EHMT2: variants seen among roughly 807,000 people sequenced by gnomAD.
The protein encoded by EHMT2 is euchromatic histone lysine methyltransferase 2, also known as histone-lysine N-methyltransferase EHMT2.
In EHMT2, 59 loss-of-function variants were observed where a neutral mutation model predicts 143.3. The observed-to-expected ratio is 0.41, with a 90% confidence interval of 0.33 to 0.51. The LOEUF is 0.51. Among genes scored for constraint, EHMT2 ranks in the 20% least tolerant of loss-of-function variants. The pLI is 0.18. For missense variants in EHMT2, 1,174 were observed against 1,645.9 expected (o/e 0.71, Z 4.96); for synonymous variants, 604 against 651.5 (o/e 0.93, Z 1.11).
chr6:31,896,167 G>A (rs1766387705), intron 4 of EHMT2, 96 bp downstream of exon 4: 1 of 1,498,960 alleles, frequency 6.7e-7, no homozygotes, highest in Admixed American at 2.2e-5. Flanking sequence ...GCTTAAATAT[G>A]TGAATGAGTA....
At position 31,888,759 on chromosome 6, in the gene EHMT2, G is replaced by A; in HGVS notation, c.1217-12C>T. The A allele has an allele frequency of 6.2e-7, 1 of 1,611,718 alleles. No individual in the cohort carries two copies. The highest frequency in any genetic ancestry group is 8.5e-7 in the Non-Finnish European group (1 of 1,179,854). On this transcript the variant is annotated splice_polypyrimidine_tract_variant and intron_variant, in intron 10 of 27. Transcript: ENST00000375537. This position sits in a 1 kb window ranked among gnomAD's most constrained non-coding sequence, Gnocchi z 7.4. The stretch of plus-strand genomic sequence containing the variant: ...GTCATTGGACACCCCTTGGATGGAG[G>A]AAAAGAGGAGCTGAGGGAGGCTCTG...
At chr6:31,897,458 TC>T (rs1766708361) in intron 1 of EHMT2, among the ~76,000 whole-genome samples, 177 bp downstream of exon 1, 1 of 134,732 alleles carries the variant, frequency 7.4e-6, no homozygotes, top group Non-Finnish European at 1.6e-5. Context: ...CCGTGCCCAC[TC>T]CCCCCACCTC....
Position 31,888,423 on chromosome 6 carries a change from G to A in EHMT2, c.1449C>T (p.Thr483=). 1 of 1,612,916 alleles carries A rather than the reference G, an allele frequency of 6.2e-7. No homozygotes were observed. Among genetic ancestry groups the A allele is most frequent in the Non-Finnish European group, 8.5e-7 (1 of 1,179,956 alleles). Residue 483 remains threonine (T), a synonymous_variant, in exon 12 of 28, where the codon ACC becomes ACT. Transcript: ENST00000375537. The surrounding 1 kb of genome is among the most constrained non-coding windows in gnomAD (Gnocchi z 7.4). ...GGTGTTTGACCATGCGGGCGCGGTGGGTCTCACAGAGCACCATCAGGGCCA... is the reference window on the plus strand; with the variant it reads ...GGTGTTTGACCATGCGGGCGCGGTGAGTCTCACAGAGCACCATCAGGGCCA...
chr6:31,887,761 G>T lies in EHMT2; in HGVS notation c.1928+18C>A. The T allele has an allele frequency of 6.3e-7, 1 of 1,599,810 alleles. No individual in the cohort carries two copies. On this transcript the variant is annotated intron_variant, in intron 14 of 27. Transcript: ENST00000375537. ...GGCCTCAGCCCCAGTTGCTGTGCCT[G>T]AGCAACTCCCCACTCACCTCTCTGA...
chr6:31,887,127 G>A, intron 15 of EHMT2, 26 bp from the exon 16 acceptor site: 2 of 1,568,314 alleles, frequency 1.3e-6, no homozygotes, highest in East Asian at 2.3e-5. Context: ...GCCACACCGG[G>A]AGAGGGAGGG....
rs986873268 is a variant in EHMT2, at chr6:31,883,377, C to T, written c.2979G>A (p.Arg993=). ...GGGCACGCACCTTGTCATACCAGCACCGGATGCTGAGCTGGCCGCACAGGC... is the reference window on the plus strand; with the variant it reads ...GGGCACGCACCTTGTCATACCAGCATCGGATGCTGAGCTGGCCGCACAGGC... Residue 993 remains arginine (R), a synonymous_variant, in exon 23 of 28, where the codon CGG becomes CGA. Transcript: ENST00000375537. The surrounding 1 kb of genome is among the most constrained non-coding windows in gnomAD (Gnocchi z 5.6). 5 of 1,612,946 alleles carry T rather than the reference C, an allele frequency of 3.1e-6. No individual in the cohort carries two copies. The highest frequency in any genetic ancestry group is 4.2e-6 in the Non-Finnish European group (5 of 1,179,978).
chr6:31,887,447 T>A (rs1765019099), intron 15 of EHMT2, 130 bp downstream of exon 15: 1 of 803,240 alleles, frequency 1.2e-6, no homozygotes, highest in African/African-American at 1.7e-5. Flanking sequence ...CATGTGTCTT[T>A]TCCCCACCAC....
chr6:31,897,245 C>T (rs542131856), intron 1 of EHMT2: 2 of 1,120,562 alleles, frequency 1.8e-6, no homozygotes, highest in Non-Finnish European at 2.3e-6. Flanking sequence ...GCGGGGCCTC[C>T]GCGCCCCGGC....
chr6:31,896,213 G>A, intron 4 of EHMT2, 50 bp downstream of exon 4: 1 of 1,555,504 alleles, frequency 6.4e-7, no homozygotes, highest in Non-Finnish European at 8.7e-7. Flanking sequence ...CTGTAAAAGA[G>A]CTCACCAAAG....
intron 7 of EHMT2, among the ~76,000 whole-genome samples, chr6:31,890,087 G>A (rs1765486013): frequency 6.6e-6 from 1 of 152,116 alleles, no homozygotes; most frequent in Non-Finnish European, 1.5e-5. Flanking sequence ...TGCACCCACT[G>A]TCAAGTCTTC....
In EHMT2 at chr6:31,884,698, A is replaced by G. The variant is rs758487381; in HGVS notation, c.2550T>C (p.His850=). The change falls in exon 20 of 28, where the codon CAT becomes CAC. Residue 850 remains histidine (H), a synonymous_variant. Coordinates refer to ENST00000375537, the Ensembl canonical transcript of EHMT2. This position sits in a 1 kb window ranked among gnomAD's most constrained non-coding sequence, Gnocchi z 7.3. ...CTGCGATGTGCAGGGGGGTGTCCCC[A>G]TGGTAGTTGACAGCATGGAGGTCAC... is the stretch of plus-strand genomic sequence containing the variant. The G allele has an allele frequency of 3.8e-6, 6 of 1,587,440 alleles. No individual in the cohort carries two copies. The Admixed American group carries it at 5.3e-5, about 14-fold the overall frequency.
chr6:31,887,846 C>T (rs776943251), exon 14 of EHMT2: 67 of 1,610,636 alleles, frequency 4.2e-5, no homozygotes, highest in South Asian at 3.6e-4. Context: ...GGCAGCCCCA[C>T]GGCTGAAAGG....
In EHMT2 at chr6:31,881,360, A is replaced by G; in HGVS notation, c.3198-268T>C. On this transcript the variant is annotated intron_variant, in intron 25 of 27. Transcript: ENST00000375537. The surrounding 1 kb of genome is among the most constrained non-coding windows in gnomAD (Gnocchi z 4.8). ...TAGGGGCAGTTGGCCTGGGTGGGGA[A>G]GTTCGGGTTTGGACACAGAGAGGTT... 1.8e-6 allele frequency: 1 copy of G among 566,766 alleles called. No individual in the cohort carries two copies. Among genetic ancestry groups the G allele is most frequent in the Non-Finnish European group, 3.2e-6 (1 of 315,844 alleles). The allele number at this position is 566,766 out of a possible 1,614,324, so 35.1% of individuals were successfully genotyped here. A position where few individuals can be genotyped will look rare whatever the true frequency, so the allele number is the denominator to read the frequency against.
At chr6:31,892,961 G>C (rs1176063713) in intron 4 of EHMT2, 51 bp from the exon 5 acceptor site, 2 of 1,276,288 alleles carry the variant, frequency 1.6e-6, no homozygotes, top group Non-Finnish European at 2.2e-6. Flanking sequence ...CTACAGTTTT[G>C]CCTGGGTTAG....
chr6:31,883,271 G>T lies in EHMT2; in HGVS notation c.2994+91C>A. 1 of 1,318,686 alleles carries T rather than the reference G, an allele frequency of 7.6e-7. No homozygotes were observed. The highest frequency in any genetic ancestry group is 1.1e-6 in the Non-Finnish European group (1 of 929,582). 81.7% of individuals were successfully genotyped at this position (1,318,686 alleles called of 1,614,324 possible). On this transcript the variant is annotated intron_variant, in intron 23 of 27. Transcript: ENST00000375537. The surrounding 1 kb of genome is among the most constrained non-coding windows in gnomAD (Gnocchi z 5.6). ...TCACTTCCCCCACAGGGTAGGAGGT[G>T]AGGGACATGGTCCCAGGGAGCTGGT... is the stretch of plus-strand genomic sequence containing the variant.
At position 31,883,117 on chromosome 6, in the gene EHMT2, C is replaced by A; in HGVS notation, c.2995-108G>T. 9.5e-7 allele frequency: 1 copy of A among 1,054,130 alleles called. No homozygotes were observed. The highest frequency in any genetic ancestry group is 1.4e-6 in the Non-Finnish European group (1 of 699,764). The allele number at this position is 1,054,130 out of a possible 1,614,324, so 65.3% of individuals were successfully genotyped here. A position where few individuals can be genotyped will look rare whatever the true frequency, so the allele number is the denominator to read the frequency against. ...ACAGGGAAGTTGGGGTTGGGGAGGTCACACAGGCTCTGAGATCCGAGAGCA... is the reference window on the plus strand; with the variant it reads ...ACAGGGAAGTTGGGGTTGGGGAGGTAACACAGGCTCTGAGATCCGAGAGCA... On this transcript the variant is annotated intron_variant, in intron 23 of 27. Coordinates refer to ENST00000375537, the Ensembl canonical transcript of EHMT2. The surrounding 1 kb of genome is among the most constrained non-coding windows in gnomAD (Gnocchi z 5.6).
At chr6:31,892,657 G>A (rs1680808785) in intron 6 of EHMT2, 37 bp downstream of exon 6, 1 of 1,612,768 alleles carries the variant, frequency 6.2e-7, no homozygotes, top group Non-Finnish European at 8.5e-7. Flanking sequence ...CCTCAGAGCA[G>A]CCCCCGAGGG....
chr6:31,896,474 C>T (rs750873427), exon 4 of EHMT2: 3 of 1,612,870 alleles, frequency 1.9e-6, no homozygotes, highest in African/African-American at 1.3e-5. Context: ...AGGACAGGAA[C>T]CCCCCTTGCT....
chr6:31,880,550 T>C lies in EHMT2; in HGVS notation c.3452+123A>G, dbSNP rs1438552524. The C allele has an allele frequency of 2.1e-5, 23 of 1,094,988 alleles. No individual in the cohort carries two copies. The highest frequency in any genetic ancestry group is 3.0e-4 in the Middle Eastern group (1 of 3,280). The allele number at this position is 1,094,988 out of a possible 1,614,324, so 67.8% of individuals were successfully genotyped here. A position where few individuals can be genotyped will look rare whatever the true frequency, so the allele number is the denominator to read the frequency against. The stretch of plus-strand genomic sequence containing the variant: ...TCCTCCAGGAAATACTTATGTACAC[T>C]GAAATCTGAGAAGCTCTGCACTACT... On this transcript the variant is annotated intron_variant, in intron 27 of 27. Coordinates refer to ENST00000375537, the Ensembl canonical transcript of EHMT2. The surrounding 1 kb of genome is among the most constrained non-coding windows in gnomAD (Gnocchi z 6.6).
Sources: allele counts gnomAD v4.1 joint callset (sites outside exome capture counted in the v4.1 genomes callset), GRCh38; gene constraint gnomAD v4.1.1; non-coding constraint Gnocchi (gnomAD v3.1); transcripts MANE v1.5; gene names NCBI Gene and HGNC (gene_info 2026-07-23, HGNC 2026-07-21).